BBS5: variants seen among roughly 807,000 people sequenced by gnomAD.
BBS5 encodes Bardet-Biedl syndrome 5.
BBS5 carries 39 observed loss-of-function variants against 50.2 expected under a neutral mutation model. The ratio of observed to expected loss-of-function variants is 0.78; its 90% CI spans 0.60 to 1.01. The LOEUF (loss-of-function observed/expected upper bound fraction) is 1.01, where lower values mean the gene tolerates loss of function less well. BBS5 is among the 50% of genes least tolerant of loss of function. The probability of loss-of-function intolerance (pLI) is 0.00; values close to 1 mark genes in which losing one functional copy is unlikely to be tolerated. For synonymous variants in BBS5, 134 were observed against 133.1 expected (o/e 1.01, Z -0.05); for missense variants, 356 against 401.5 (o/e 0.89, Z 0.97).
chr2:169,489,097 T>C (rs985988368), intron 5 of BBS5, among the ~76,000 whole-genome samples: 1 of 152,078 alleles, frequency 6.6e-6, no homozygotes, highest in East Asian at 1.9e-4. Context: ...GCTCAAATGA[T>C]CTTCCTGTCC....
Position 169,497,652 on chromosome 2 carries a change from A to G in BBS5, c.644A>G (p.Lys215Arg), listed in dbSNP as rs1683717772. 2 of 1,599,352 alleles carry G rather than the reference A, an allele frequency of 1.3e-6. No homozygotes were observed. ...CGTTCAATAAAGATTAGAGATTCAA[A>G]ATTTGGTTTAGCTCTTGTCATAGAA... ...QIRSIKIRDS[K>R]FGLALVIESS... The change falls in exon 8 of 12, where the codon AAA becomes AGA. Residue 215 changes from lysine to arginine, a missense_variant. Physicochemically the swap from Lys to Arg is conservative, Grantham distance 26. Transcript: ENST00000295240.
At chr2:169,488,240 G>T (rs990390913) in intron 5 of BBS5, 126 bp downstream of exon 5, 2 of 881,144 alleles carry the variant, frequency 2.3e-6, no homozygotes, top group Non-Finnish European at 3.7e-6. Context: ...CACGAATTGG[G>T]TGAGGGTATG....
chr2:169,488,330 T>C (rs974310666), intron 5 of BBS5, among the ~76,000 whole-genome samples: 4 of 152,206 alleles, frequency 2.6e-5, no homozygotes, highest in African/African-American at 9.7e-5. Flanking sequence ...TAATGTAGAA[T>C]CAGTGGGAGC....
intron 5 of BBS5, among the ~76,000 whole-genome samples, chr2:169,489,157 A>C (rs1302517683): frequency 6.6e-6 from 1 of 152,036 alleles, no homozygotes; most frequent in Non-Finnish European, 1.5e-5. Flanking sequence ...ATGTCCTGCT[A>C]ATTTTTAAAA....
intron 5 of BBS5, among the ~76,000 whole-genome samples, chr2:169,490,187 ATTTTT>A (rs1189751993): frequency 3.8e-5 from 3 of 79,418 alleles, no homozygotes; most frequent in African/African-American, 1.6e-4. Context: ...TGAAATGTGC[ATTTTT>A]TTTTTTTTTT....
chr2:169,487,732 C>G, intron 3 of BBS5, 74 bp from the exon 4 acceptor site: 2 of 1,088,154 alleles, frequency 1.8e-6, no homozygotes, highest in East Asian at 2.5e-5. Flanking sequence ...TCTGTGTATA[C>G]TTTTTTTTTA....
At chr2:169,488,429 G>A (rs1683525152) in intron 5 of BBS5, among the ~76,000 whole-genome samples, 1 of 152,208 alleles carries the variant, frequency 6.6e-6, no homozygotes, top group African/African-American at 2.4e-5. Context: ...CTCATAAGGA[G>A]GGCACAGTCT....
intron 5 of BBS5, among the ~76,000 whole-genome samples, chr2:169,488,502 C>A (rs1170594889): frequency 1.3e-5 from 2 of 152,232 alleles, no homozygotes; most frequent in East Asian, 3.8e-4. Context: ...AATGCCGCTG[C>A]TGATCTGACA....
intron 8 of BBS5, among the ~76,000 whole-genome samples, chr2:169,498,728 A>T (rs1358071583): frequency 1.3e-5 from 2 of 148,370 alleles, no homozygotes; most frequent in Non-Finnish European, 3.0e-5. Context: ...AATGGCGCGA[A>T]CCCGGGAGGC....
rs1406844800 is a variant in BBS5 at position 169,506,078 on chromosome 2, G to A, written c.*1496G>A. 4 of 150,942 alleles carry A rather than the reference G, an allele frequency of 2.7e-5. No homozygotes were observed. Among genetic ancestry groups the A allele is most frequent in the African/African-American group, 9.9e-5 (4 of 40,458 alleles). 9.4% of individuals were successfully genotyped at this position (150,942 alleles called of 1,614,324 possible). A position where few individuals can be genotyped will look rare whatever the true frequency, so the allele number is the denominator to read the frequency against. On this transcript the variant is annotated 3_prime_UTR_variant, in exon 12 of 12. Transcript: ENST00000295240. ...CGCCTCTGCCCGGCTGCCCCTACTG[G>A]GAAGTGAGGAGCCCCTCTGCCCGGC...
chr2:169,479,673 A>G (rs1208046944), intron 1 of BBS5, 61 bp downstream of exon 1: 1 of 1,587,168 alleles, frequency 6.3e-7, no homozygotes, highest in African/African-American at 1.3e-5. Context: ...CGTGCGCGTT[A>G]GGGACCCGCG....
In BBS5 at chr2:169,483,367, A is replaced by G. The variant is rs181641390; in HGVS notation, c.142+1034A>G. 1.9e-3 allele frequency among the ~76,000 whole-genome samples: 295 copies of G among 152,072 alleles called. 1 individual carries two copies. Among genetic ancestry groups the G allele is most frequent in the Non-Finnish European group, 3.4e-3 (232 of 67,978 alleles). On this transcript the variant is annotated intron_variant, in intron 2 of 11. Transcript: ENST00000295240. ...TTATGCTGCTGGCTCTTTTATGTACATATGTCTCGAACTCCTGACTTCAAG... is the reference window on the plus strand; with the variant it reads ...TTATGCTGCTGGCTCTTTTATGTACGTATGTCTCGAACTCCTGACTTCAAG...
chr2:169,489,195 G>A (rs928757744), intron 5 of BBS5, among the ~76,000 whole-genome samples: 13 of 152,072 alleles, frequency 8.5e-5, no homozygotes, highest in East Asian at 1.9e-4. Context: ...ACGTGGTGGC[G>A]CACGTCTGTA....
In BBS5 at chr2:169,499,531, C is replaced by G. The variant is rs1339421505; in HGVS notation, c.727C>G (p.Leu243Val). The G allele has an allele frequency of 6.2e-7, 1 of 1,613,094 alleles. No individual in the cohort carries two copies. The highest frequency in any genetic ancestry group is 8.5e-7 in the Non-Finnish European group (1 of 1,179,424). Residue 243 changes from leucine to valine, a missense_variant, in exon 9 of 12, where the codon CTA (leucine) becomes GTA (valine). Transcript: ENST00000295240. ...LGFKIDPVEK[L>V]QESVKEINSL... Reference sequence around the variant, plus strand: ...CTTTAAAATAGATCCTGTGGAAAAACTACAAGAATCAGTTAAGGAAATCAA... The same window carrying G: ...CTTTAAAATAGATCCTGTGGAAAAAGTACAAGAATCAGTTAAGGAAATCAA...
intron 1 of BBS5, 98 bp downstream of exon 1, chr2:169,479,710 C>A: frequency 7.4e-7 from 1 of 1,357,934 alleles, no homozygotes; most frequent in Non-Finnish European, 1.0e-6. Context: ...CCGCAGCTCG[C>A]GGCCCTGGTG....
At position 169,506,236 on chromosome 2, in the gene BBS5, G is replaced by C. The variant is rs1683923151; in HGVS notation, c.*1654G>C. On this transcript the variant is annotated 3_prime_UTR_variant, in exon 12 of 12. Transcript: ENST00000295240. ...CGTCCGGGAGGTTAGGGGCGCCTCT[G>C]CCCGGCCGCCCCTACTGGGAAGTGA... The C allele has an allele frequency of 1.3e-5, 2 of 159,054 alleles. No individual in the cohort carries two copies. The highest frequency in any genetic ancestry group is 3.8e-4 in the South Asian group (2 of 5,268). The allele number at this position is 159,054 out of a possible 1,614,324, so 9.9% of individuals were successfully genotyped here.
rs1683869522 is a variant in BBS5 at position 169,504,649 on chromosome 2, A to G, written c.*67A>G. On this transcript the variant is annotated 3_prime_UTR_variant, in exon 12 of 12. Transcript: ENST00000295240. ...AGTTTAAAGATACTAGTCACCTGCCATAAGTCATGGAATAGTTTTTATATT... is the reference window on the plus strand; with the variant it reads ...AGTTTAAAGATACTAGTCACCTGCCGTAAGTCATGGAATAGTTTTTATATT... 6 of 1,266,516 alleles carry G rather than the reference A, an allele frequency of 4.7e-6. No individual in the cohort carries two copies. Among genetic ancestry groups the G allele is most frequent in the Admixed American group, 3.4e-5 (2 of 59,364 alleles). The allele number at this position is 1,266,516 out of a possible 1,614,324, so 78.5% of individuals were successfully genotyped here.
chr2:169,504,761 G>A lies in BBS5; in HGVS notation c.*179G>A, dbSNP rs558876095. On this transcript the variant is annotated 3_prime_UTR_variant, in exon 12 of 12. Coordinates refer to ENST00000295240, the MANE Select transcript of BBS5 (RefSeq NM_152384.3). ...GAAAACTTCAGTTTTCGGCCAGCGC[G>A]TCGAGGGAGGGGCCAGCGACACATG... 5.7e-5 allele frequency: 78 copies of A among 1,363,714 alleles called. 1 individual carries two copies. The African/African-American group carries it at 9.2e-4, about 16-fold the overall frequency. 84.5% of individuals were successfully genotyped at this position (1,363,714 alleles called of 1,614,324 possible).
chr2:169,504,732 T>C lies in BBS5; in HGVS notation c.*150T>C, dbSNP rs992100661. ...TTTTTAATGATTGAGGAAAAAGTCA[T>C]TTAGAAAACTTCAGTTTTCGGCCAG... On this transcript the variant is annotated 3_prime_UTR_variant, in exon 12 of 12. Coordinates refer to ENST00000295240, the MANE Select transcript of BBS5 (RefSeq NM_152384.3). 3 of 1,227,906 alleles carry C rather than the reference T, an allele frequency of 2.4e-6. No individual in the cohort carries two copies. In the African/African-American group the frequency reaches 4.6e-5, roughly 19 times the overall value. 76.1% of individuals were successfully genotyped at this position (1,227,906 alleles called of 1,614,324 possible).
Sources: gnomAD v4.1 joint callset for allele counts (sites outside exome capture counted in the v4.1 genomes callset) on GRCh38, gnomAD v4.1.1 for gene constraint, MANE v1.5 for transcripts, NCBI Gene and HGNC (gene_info 2026-07-23, HGNC 2026-07-21) for gene names.